FAR1: variants seen among roughly 807,000 people sequenced by gnomAD.
FAR1 encodes the protein male sterility domain-containing protein 2.
A neutral mutation model predicts 61.1 loss-of-function variants in FAR1; 22 were observed. The observed-to-expected ratio is 0.36, with a 90% CI of 0.26 to 0.51. The LOEUF (loss-of-function observed/expected upper bound fraction) is 0.51. Among genes scored for constraint, FAR1 ranks in the 20% least tolerant of loss-of-function variants. The pLI is 0.95. For synonymous variants in FAR1, 206 were observed against 209.7 expected (o/e 0.98, Z 0.15); for missense variants, 359 against 626.9 (o/e 0.57, Z 4.56).
chr11:13,702,259 T>C (rs1029622516), intron 3 of FAR1, among the ~76,000 whole-genome samples: 8 of 152,190 alleles, frequency 5.3e-5, no homozygotes, highest in African/African-American at 1.9e-4. Flanking sequence ...TATTTGCTGA[T>C]AATACATTTA....
At chr11:13,680,881 G>T (rs1848119966) in intron 1 of FAR1, among the ~76,000 whole-genome samples, 1 of 152,172 alleles carries the variant, frequency 6.6e-6, no homozygotes, top group Non-Finnish European at 1.5e-5. Context: ...GATGATTGCA[G>T]TTACCAAAAT....
intron 4 of FAR1, among the ~76,000 whole-genome samples, chr11:13,709,842 T>C (rs1453961649): frequency 1.3e-5 from 2 of 152,132 alleles, no homozygotes; most frequent in African/African-American, 2.4e-5. Flanking sequence ...TATGACAATA[T>C]ACTGAGTCTA....
intron 10 of FAR1, among the ~76,000 whole-genome samples, chr11:13,722,856 CTCTATA>C (rs1399291383): frequency 5.0e-5 from 7 of 140,908 alleles, no homozygotes; most frequent in East Asian, 2.0e-4. Context: ...CTCTCTCTCT[CTCTATA>C]TATATATATA....
intron 1 of FAR1, among the ~76,000 whole-genome samples, chr11:13,677,023 G>A (rs1591253580): frequency 1.3e-5 from 2 of 152,118 alleles, no homozygotes; most frequent in Non-Finnish European, 1.5e-5. Flanking sequence ...TCCCAACAGC[G>A]TTGTTTCTCA....
intron 1 of FAR1, among the ~76,000 whole-genome samples, chr11:13,671,820 G>A (rs929147906): frequency 8.5e-5 from 13 of 152,156 alleles, no homozygotes; most frequent in African/African-American, 2.9e-4. Context: ...TTGATGCCAG[G>A]CACTGTAGTA....
chr11:13,688,477 C>T (rs1009419782), intron 1 of FAR1, among the ~76,000 whole-genome samples: 2 of 152,072 alleles, frequency 1.3e-5, no homozygotes, highest in South Asian at 2.1e-4. Context: ...GAAGGAAGTA[C>T]ATCATTCTGG....
intron 1 of FAR1, among the ~76,000 whole-genome samples, chr11:13,690,622 A>G (rs923394223): frequency 6.6e-6 from 1 of 152,176 alleles, no homozygotes; most frequent in African/African-American, 2.4e-5. Flanking sequence ...TTGTCCCAAT[A>G]CCACATTCCT....
At chr11:13,703,904 C>A (rs1455697944) in intron 3 of FAR1, among the ~76,000 whole-genome samples, 1 of 151,852 alleles carries the variant, frequency 6.6e-6, no homozygotes, top group Non-Finnish European at 1.5e-5. Context: ...ATGAGCCGGG[C>A]ATGGTGGCAC....
chr11:13,728,992 C>T lies in FAR1; in HGVS notation c.*218C>T, dbSNP rs1000180189. 7.6e-6 allele frequency: 3 copies of T among 397,016 alleles called. No homozygotes were observed. Among genetic ancestry groups the T allele is most frequent in the Non-Finnish European group, 1.4e-5 (3 of 218,598 alleles). The allele number at this position is 397,016 out of a possible 1,614,324, so 24.6% of individuals were successfully genotyped here. On this transcript the variant is annotated 3_prime_UTR_variant, in exon 12 of 12. Coordinates refer to ENST00000354817, the MANE Select transcript of FAR1 (RefSeq NM_032228.6). ...TGCCAGCTCAAATCTACAGTAGCCA[C>T]CAAAACCATGACTTAATATTTTGAG...
chr11:13,675,100 T>A (rs940819389), intron 1 of FAR1, among the ~76,000 whole-genome samples: 1 of 144,540 alleles, frequency 6.9e-6, no homozygotes, highest in Non-Finnish European at 1.5e-5. Context: ...GTGATAAGTA[T>A]AATAATAGAC....
Position 13,731,544 on chromosome 11 carries a change from A to G in FAR1, c.*2770A>G, listed in dbSNP as rs553706481. On this transcript the variant is annotated 3_prime_UTR_variant, in exon 12 of 12. Coordinates refer to ENST00000354817, the MANE Select transcript of FAR1 (RefSeq NM_032228.6). ...TGTTCTGAAAATTACCCATGGAACA[A>G]TATGCTTAGGATTACAGGAAGCAGT... 2 of 152,626 alleles carry G rather than the reference A, an allele frequency of 1.3e-5. No homozygotes were observed. The highest frequency in any genetic ancestry group is 2.1e-4 in the South Asian group (1 of 4,828). The allele number at this position is 152,626 out of a possible 1,614,324, so 9.5% of individuals were successfully genotyped here.
intron 1 of FAR1, among the ~76,000 whole-genome samples, chr11:13,672,294 A>G (rs1158696648): frequency 6.6e-6 from 1 of 151,878 alleles, no homozygotes; most frequent in African/African-American, 2.4e-5. Context: ...TGCACTTTTT[A>G]GTTTTTTCAA....
At position 13,728,607 on chromosome 11, in the gene FAR1, T is replaced by C. The variant is rs753992706; in HGVS notation, c.1386-5T>C. 6.2e-6 allele frequency: 10 copies of C among 1,608,564 alleles called. No individual in the cohort carries two copies. The highest frequency in any genetic ancestry group is 3.4e-6 in the Non-Finnish European group (4 of 1,176,006). On this transcript the variant is annotated splice_polypyrimidine_tract_variant and splice_region_variant and intron_variant, in intron 11 of 11. Transcript: ENST00000354817. ...GTCTAACATATCTCTTGATTTGCTT[T>C]CCAGGTTGCGGAATATACGTTATGG...
chr11:13,687,243 T>G (rs1848197071), intron 1 of FAR1, among the ~76,000 whole-genome samples: 2 of 152,196 alleles, frequency 1.3e-5, no homozygotes, highest in South Asian at 4.1e-4. Context: ...TTCTTTAACT[T>G]GAGTCAAAAG....
At chr11:13,701,227 T>C (rs1016121645) in intron 3 of FAR1, among the ~76,000 whole-genome samples, 1 of 152,066 alleles carries the variant, frequency 6.6e-6, no homozygotes, top group African/African-American at 2.4e-5. Context: ...CTACTTGAAA[T>C]GTAAAATGTT....
chr11:13,695,079 A>AG (rs1174480762), intron 2 of FAR1, 125 bp downstream of exon 2: 2 of 766,548 alleles, frequency 2.6e-6, no homozygotes, highest in African/African-American at 3.6e-5. Context: ...AAACAAAAAA[A>AG]CTTAGTAAGT....
intron 1 of FAR1, among the ~76,000 whole-genome samples, chr11:13,675,053 C>CTTT (rs10649288): frequency 0.032 from 4,541 of 144,120 alleles, 109 homozygotes; most frequent in Non-Finnish European, 0.047. Flanking sequence ...AATCCCTAGA[C>CTTT]TTTTTTTTTT....
intron 1 of FAR1, among the ~76,000 whole-genome samples, chr11:13,675,851 T>A (rs1385160039): frequency 6.6e-6 from 1 of 152,188 alleles, no homozygotes; most frequent in Non-Finnish European, 1.5e-5. Context: ...TCATGAGAAA[T>A]CCTTGAATTT....
Position 13,721,595 on chromosome 11 carries a change from GTACACTT to G in FAR1, c.1128-134_1128-128del, listed in dbSNP as rs1382265628. The stretch of plus-strand genomic sequence containing the variant: ...AATAGTCTTATTCCCTGCTGATTTG[GTACACTT>G]AATGATTAAATGTTATAATTTTAAT... On this transcript the variant is annotated intron_variant, in intron 9 of 11. Coordinates refer to ENST00000354817, the MANE Select transcript of FAR1 (RefSeq NM_032228.6). The surrounding 1 kb of genome is among the most constrained non-coding windows in gnomAD (Gnocchi z 4.2). 1 of 623,338 alleles carries G rather than the reference GTACACTT, an allele frequency of 1.6e-6. No homozygotes were observed. Among genetic ancestry groups the G allele is most frequent in the African/African-American group, 1.9e-5 (1 of 51,824 alleles). 38.6% of individuals were successfully genotyped at this position (623,338 alleles called of 1,614,324 possible). A position where few individuals can be genotyped will look rare whatever the true frequency, so the allele number is the denominator to read the frequency against.
Sources: allele counts gnomAD v4.1 joint callset (sites outside exome capture counted in the v4.1 genomes callset), GRCh38; gene constraint gnomAD v4.1.1; non-coding constraint Gnocchi (gnomAD v3.1); transcripts MANE v1.5; gene names NCBI Gene and HGNC (gene_info 2026-07-23, HGNC 2026-07-21).